Variants in PDSS2 observed in about 807,000 individuals in gnomAD.
PDSS2 encodes the protein all trans-polyprenyl-diphosphate synthase PDSS2.
In PDSS2, 31 loss-of-function variants were observed where a neutral mutation model predicts 44.5. The observed-to-expected ratio is 0.70, with a 90% CI of 0.52 to 0.94. The LOEUF is 0.94. Among genes scored for constraint, PDSS2 ranks in the 40% least tolerant of loss-of-function variants. The pLI is 0.00. For synonymous variants in PDSS2, 157 were observed against 180.3 expected, an observed-to-expected ratio of 0.87 and a Z score of 1.03; for missense variants, 452 against 482.2, an observed-to-expected ratio of 0.94 and a Z score of 0.59.
At chr6:107,412,076 C>T (rs1780518494) in intron 1 of PDSS2, among the ~76,000 whole-genome samples, 1 of 150,820 alleles carries the variant, frequency 6.6e-6, no homozygotes, top group Non-Finnish European at 1.5e-5. Flanking sequence ...TTAGTAGAAA[C>T]GGGGGTTTCA....
At chr6:107,261,332 G>A (rs542453734) in intron 3 of PDSS2, among the ~76,000 whole-genome samples, 2 of 152,304 alleles carry the variant, frequency 1.3e-5, no homozygotes, top group South Asian at 4.1e-4. Context: ...CTTCACAATA[G>A]TGAGTGAGGT....
At chr6:107,167,233 G>A (rs1554247684) in intron 7 of PDSS2, among the ~76,000 whole-genome samples, 1 of 150,712 alleles carries the variant, frequency 6.6e-6, no homozygotes, top group South Asian at 2.1e-4. Context: ...AGGAATTTAT[G>A]CATTTCTTCT....
At chr6:107,197,480 C>CAAAAA (rs1211356401) in intron 6 of PDSS2, among the ~76,000 whole-genome samples, 21 of 82,352 alleles carry the variant, frequency 2.6e-4, no homozygotes, top group African/African-American at 5.3e-4. Flanking sequence ...ACCCCCATCT[C>CAAAAA]AAAAAAAAAA....
At chr6:107,216,238 G>C (rs1218942564) in intron 4 of PDSS2, among the ~76,000 whole-genome samples, 4 of 151,782 alleles carry the variant, frequency 2.6e-5, no homozygotes, top group Non-Finnish European at 5.9e-5. Flanking sequence ...GTTTGGGAGG[G>C]TGAGGGGGCG....
At chr6:107,161,555 C>G (rs1554246755) in intron 7 of PDSS2, among the ~76,000 whole-genome samples, 3 of 151,038 alleles carry the variant, frequency 2.0e-5, no homozygotes, top group African/African-American at 7.3e-5. Flanking sequence ...TTTCAAAGTA[C>G]AGAAAACTTG....
chr6:107,173,017 G>T (rs904166738), intron 7 of PDSS2, among the ~76,000 whole-genome samples: 22 of 151,812 alleles, frequency 1.4e-4, no homozygotes, highest in African/African-American at 5.1e-4. Context: ...CCAGCTACTG[G>T]GGAGGCTGAG....
chr6:107,376,172 G>A (rs1436794318), intron 1 of PDSS2, among the ~76,000 whole-genome samples: 1 of 152,134 alleles, frequency 6.6e-6, no homozygotes. Context: ...TAACCTTGTA[G>A]TATAGTTTGA....
chr6:107,313,082 G>C (rs1777093208), intron 2 of PDSS2, among the ~76,000 whole-genome samples: 1 of 152,152 alleles, frequency 6.6e-6, no homozygotes, highest in African/African-American at 2.4e-5. Context: ...ACATTGCTAA[G>C]AAGAAATCTA....
At chr6:107,333,079 A>G (rs908694337) in intron 2 of PDSS2, among the ~76,000 whole-genome samples, 16 of 152,206 alleles carry the variant, frequency 1.1e-4, no homozygotes, top group African/African-American at 3.9e-4. Flanking sequence ...CAAGACCACT[A>G]GAAATAAAAT....
chr6:107,296,880 C>T (rs1776526794), intron 2 of PDSS2, among the ~76,000 whole-genome samples: 1 of 152,104 alleles, frequency 6.6e-6, no homozygotes, highest in South Asian at 2.1e-4. Flanking sequence ...AAAGGTTATT[C>T]AACACTATGT....
chr6:107,333,718 T>C (rs1281130860), intron 2 of PDSS2, among the ~76,000 whole-genome samples: 1 of 152,116 alleles, frequency 6.6e-6, no homozygotes, highest in Non-Finnish European at 1.5e-5. Flanking sequence ...AAATTTTTTG[T>C]AGAGATGAGG....
chr6:107,166,404 G>A (rs199799017), intron 7 of PDSS2, among the ~76,000 whole-genome samples: 5 of 127,598 alleles, frequency 3.9e-5, no homozygotes, highest in East Asian at 2.4e-4. Flanking sequence ...TCACTCTGTC[G>A]CCCAGGCTGG....
At chr6:107,431,538 T>A (rs1204292151) in intron 1 of PDSS2, among the ~76,000 whole-genome samples, 2 of 152,114 alleles carry the variant, frequency 1.3e-5, no homozygotes, top group African/African-American at 4.8e-5. Context: ...CGTGAGCCAC[T>A]ACACCCAGCC....
intron 2 of PDSS2, among the ~76,000 whole-genome samples, chr6:107,294,037 C>T (rs912572373): frequency 6.6e-6 from 1 of 152,078 alleles, no homozygotes; most frequent in Non-Finnish European, 1.5e-5. Context: ...GTGAAGGCTG[C>T]ATGCTAAATG....
chr6:107,264,886 T>C (rs892390074), intron 3 of PDSS2, among the ~76,000 whole-genome samples: 1 of 152,162 alleles, frequency 6.6e-6, no homozygotes, highest in African/African-American at 2.4e-5. Context: ...CTTATCCCAA[T>C]GGAATCAGGA....
chr6:107,320,050 T>G (rs774616961), intron 2 of PDSS2, among the ~76,000 whole-genome samples: 7 of 152,230 alleles, frequency 4.6e-5, no homozygotes, highest in African/African-American at 7.2e-5. Context: ...CAGCCATATT[T>G]TCTCACTCGC....
chr6:107,421,087 GA>G (rs1245955670), intron 1 of PDSS2, among the ~76,000 whole-genome samples: 18 of 152,244 alleles, frequency 1.2e-4, no homozygotes, highest in African/African-American at 4.1e-4. Flanking sequence ...ATCAGCACAT[GA>G]AAAAACGTTC....
intron 1 of PDSS2, among the ~76,000 whole-genome samples, chr6:107,372,458 A>C (rs528091492): frequency 7.9e-5 from 12 of 151,802 alleles, no homozygotes; most frequent in African/African-American, 1.2e-4. Flanking sequence ...ATTCTTTTTT[A>C]TTTTTTATTT....
chr6:107,154,332 T>C lies in PDSS2; in HGVS notation c.*287A>G. On this transcript the variant is annotated 3_prime_UTR_variant, in exon 8 of 8. Coordinates refer to ENST00000369037, the MANE Select transcript of PDSS2 (RefSeq NM_020381.4). ...TCGGTCCAATCAATAAGGACTTATT[T>C]CCTGTCCATTTGCTGAGGTCACAGG... 2 of 395,112 alleles carry C rather than the reference T, an allele frequency of 5.1e-6. No homozygotes were observed. Among genetic ancestry groups the C allele is most frequent in the Non-Finnish European group, 9.6e-6 (2 of 208,860 alleles). The allele number at this position is 395,112 out of a possible 1,614,324, so 24.5% of individuals were successfully genotyped here.
Sources: gnomAD v4.1 joint callset for allele counts (sites outside exome capture counted in the v4.1 genomes callset) on GRCh38, gnomAD v4.1.1 for gene constraint, MANE v1.5 for transcripts, NCBI Gene and HGNC (gene_info 2026-07-23, HGNC 2026-07-21) for gene names.